Variants in CCSER1 observed in about 807,000 individuals in gnomAD.
The protein encoded by CCSER1 is serine-rich coiled-coil domain-containing protein 1.
CCSER1 carries 41 observed loss-of-function variants against 82.0 expected under a neutral mutation model. The ratio of observed to expected loss-of-function variants is 0.50; its 90% CI spans 0.39 to 0.65. The LOEUF is 0.65. Ranked by LOEUF, CCSER1 falls within the 30% of genes least tolerant of loss-of-function variation. CCSER1 has a pLI of 0.00. For missense variants in CCSER1, 1,119 were observed against 1,064.2 expected (o/e 1.05, Z -0.72); for synonymous variants, 414 against 383.9 (o/e 1.08, Z -0.92).
intron 7 of CCSER1, chr4:90,781,807 G>A (rs943468894): frequency 5.2e-6 from 5 of 957,464 alleles, no homozygotes; most frequent in Admixed American, 6.2e-5. Flanking sequence ...TAACTTTTAT[G>A]TTTGCCTTGA....
chr4:90,960,565 A>T (rs1733958683), intron 9 of CCSER1, among the ~76,000 whole-genome samples: 1 of 152,180 alleles, frequency 6.6e-6, no homozygotes, highest in South Asian at 2.1e-4. Context: ...CTCTCAGCCT[A>T]TCCCCAGCTC....
intron 8 of CCSER1, among the ~76,000 whole-genome samples, chr4:90,853,654 C>T (rs918473373): frequency 7.9e-5 from 12 of 152,020 alleles, no homozygotes; most frequent in African/African-American, 2.9e-4. Flanking sequence ...ATTAAAACAA[C>T]TTCAAAATGA....
intron 8 of CCSER1, among the ~76,000 whole-genome samples, chr4:90,911,722 T>C (rs1726395924): frequency 1.3e-5 from 2 of 152,122 alleles, no homozygotes; most frequent in African/African-American, 2.4e-5. Context: ...GGGAATTCCC[T>C]TTCCTACCCA....
intron 10 of CCSER1, among the ~76,000 whole-genome samples, chr4:91,102,168 T>C (rs1725135769): frequency 6.6e-6 from 1 of 152,090 alleles, no homozygotes; most frequent in Non-Finnish European, 1.5e-5. Flanking sequence ...ATGAAAAAAA[T>C]CTGTTGATTG....
chr4:90,161,479 A>G (rs1307085439), intron 1 of CCSER1, among the ~76,000 whole-genome samples: 1 of 152,142 alleles, frequency 6.6e-6, no homozygotes, highest in Non-Finnish European at 1.5e-5. Flanking sequence ...ATTAATTTAA[A>G]CAAAATTATG....
chr4:91,191,705 C>G (rs1433645816), intron 10 of CCSER1, among the ~76,000 whole-genome samples: 1 of 152,162 alleles, frequency 6.6e-6, no homozygotes, highest in Non-Finnish European at 1.5e-5. Context: ...AGTGCTATCC[C>G]TTGTTCAGAG....
intron 1 of CCSER1, among the ~76,000 whole-genome samples, chr4:90,302,691 T>A (rs1175494774): frequency 6.6e-6 from 1 of 152,134 alleles, no homozygotes; most frequent in Non-Finnish European, 1.5e-5. Flanking sequence ...TAGTCCCAGC[T>A]ACTTGGGAGG....
At chr4:90,533,074 A>G (rs1376811913) in intron 5 of CCSER1, among the ~76,000 whole-genome samples, 1 of 143,552 alleles carries the variant, frequency 7.0e-6, no homozygotes, top group Non-Finnish European at 1.5e-5. Flanking sequence ...AATATGCAAA[A>G]TTTCTGTGGG....
chr4:91,489,355 T>C (rs1019278027), intron 10 of CCSER1, among the ~76,000 whole-genome samples: 1 of 152,166 alleles, frequency 6.6e-6, no homozygotes, highest in Admixed American at 6.5e-5. Flanking sequence ...TAGACAGTTC[T>C]TTTTTTGTTT....
At chr4:91,288,817 G>A (rs1488556388) in intron 10 of CCSER1, among the ~76,000 whole-genome samples, 2 of 152,000 alleles carry the variant, frequency 1.3e-5, no homozygotes, top group East Asian at 3.9e-4. Context: ...TACATGATGG[G>A]CCTAGAACCA....
chr4:90,946,028 TCA>T (rs1432117393), intron 9 of CCSER1, among the ~76,000 whole-genome samples: 3 of 152,144 alleles, frequency 2.0e-5, no homozygotes, highest in Non-Finnish European at 4.4e-5. Context: ...TAGGGAAATA[TCA>T]CATATACATC....
chr4:90,949,927 G>A (rs1380961560), intron 9 of CCSER1, among the ~76,000 whole-genome samples: 1 of 152,064 alleles, frequency 6.6e-6, no homozygotes, highest in Non-Finnish European at 1.5e-5. Flanking sequence ...TAAAAAACTT[G>A]CCTGCTGTCA....
chr4:90,876,701 C>T (rs1767250571), intron 8 of CCSER1, among the ~76,000 whole-genome samples: 1 of 152,112 alleles, frequency 6.6e-6, no homozygotes, highest in Admixed American at 6.5e-5. Context: ...CTTAATTACA[C>T]ACTCTAGCCA....
At chr4:90,976,055 A>G (rs1169855017) in intron 9 of CCSER1, among the ~76,000 whole-genome samples, 1 of 151,284 alleles carries the variant, frequency 6.6e-6, no homozygotes, top group Non-Finnish European at 1.5e-5. Context: ...TTAAAAAGTC[A>G]GAGGTTTATC....
chr4:90,183,460 A>C (rs1734055113), intron 1 of CCSER1, among the ~76,000 whole-genome samples: 1 of 152,104 alleles, frequency 6.6e-6, no homozygotes, highest in Non-Finnish European at 1.5e-5. Context: ...CAACTTAGTG[A>C]AGTTACCTCT....
At chr4:91,411,109 T>C (rs1338298700) in intron 10 of CCSER1, among the ~76,000 whole-genome samples, 2 of 151,974 alleles carry the variant, frequency 1.3e-5, no homozygotes, top group African/African-American at 4.8e-5. Context: ...GAAATTACTG[T>C]CTGATTACTA....
chr4:91,267,380 G>GA (rs1384198342), intron 10 of CCSER1, among the ~76,000 whole-genome samples: 2 of 151,724 alleles, frequency 1.3e-5, no homozygotes, highest in African/African-American at 2.4e-5. Flanking sequence ...TATCAAATAG[G>GA]AAAAAAATAA....
intron 5 of CCSER1, among the ~76,000 whole-genome samples, chr4:90,573,998 T>C (rs1780407339): frequency 6.6e-6 from 1 of 151,792 alleles, no homozygotes; most frequent in Non-Finnish European, 1.5e-5. Flanking sequence ...TATGTTATAC[T>C]ATGGAGTGAA....
chr4:91,294,194 T>C (rs1743983464), intron 10 of CCSER1, among the ~76,000 whole-genome samples: 1 of 151,976 alleles, frequency 6.6e-6, no homozygotes, highest in Non-Finnish European at 1.5e-5. Context: ...TAGTTGAATT[T>C]TTATGATACT....
Sources: allele counts gnomAD v4.1 joint callset (sites outside exome capture counted in the v4.1 genomes callset), GRCh38; gene constraint gnomAD v4.1.1; transcripts MANE v1.5; gene names NCBI Gene and HGNC (gene_info 2026-07-23, HGNC 2026-07-21).